The following MEIKIN variants were observed in gnomAD, a reference collection of about 807,000 sequenced individuals.
MEIKIN encodes meiotic kinetochore factor, also known as meiosis-specific kinetochore protein.
intron 5 of MEIKIN, among the ~76,000 whole-genome samples, chr5:131,929,887 A>G (rs1561758142): frequency 6.6e-6 from 1 of 152,190 alleles, no homozygotes; most frequent in East Asian, 1.9e-4. Context: ...TCTGTGTAGT[A>G]TTCCATGGTG....
chr5:131,844,904 T>C (rs1749982896), intron 11 of MEIKIN, among the ~76,000 whole-genome samples: 1 of 152,130 alleles, frequency 6.6e-6, no homozygotes, highest in Non-Finnish European at 1.5e-5. Context: ...TAAGAAGACC[T>C]TAAGTTTACA....
At chr5:131,890,653 T>C (rs1043344299) in intron 8 of MEIKIN, among the ~76,000 whole-genome samples, 6 of 152,186 alleles carry the variant, frequency 3.9e-5, no homozygotes, top group Non-Finnish European at 8.8e-5. Context: ...TTTGTTGATC[T>C]TTTCAAAAAA....
chr5:131,829,599 C>T (rs915614171), intron 11 of MEIKIN, among the ~76,000 whole-genome samples: 1 of 151,988 alleles, frequency 6.6e-6, no homozygotes, highest in Non-Finnish European at 1.5e-5. Flanking sequence ...AGGGACTAAA[C>T]AGAAAAATAA....
chr5:131,929,637 T>C (rs976238623), intron 5 of MEIKIN, among the ~76,000 whole-genome samples: 1 of 152,174 alleles, frequency 6.6e-6, no homozygotes, highest in African/African-American at 2.4e-5. Flanking sequence ...GTCACCCAGA[T>C]AGTGAGCATA....
chr5:131,844,992 T>G (rs1265035447), intron 11 of MEIKIN, among the ~76,000 whole-genome samples: 2 of 152,130 alleles, frequency 1.3e-5, no homozygotes, highest in Non-Finnish European at 2.9e-5. Context: ...CAAAGTTGGC[T>G]GGGTGCGGTG....
chr5:131,939,576 T>G (rs1751835789), intron 4 of MEIKIN, among the ~76,000 whole-genome samples: 1 of 152,142 alleles, frequency 6.6e-6, no homozygotes, highest in East Asian at 1.9e-4. Flanking sequence ...ACATTAAATA[T>G]AAAATCCTTA....
intron 7 of MEIKIN, among the ~76,000 whole-genome samples, chr5:131,915,364 G>C (rs1452973952): frequency 6.6e-6 from 1 of 152,152 alleles, no homozygotes; most frequent in East Asian, 1.9e-4. Context: ...CAGTCTAGAA[G>C]CCTTGCAGCA....
At chr5:131,845,113 AC>A (rs1446139953) in intron 11 of MEIKIN, among the ~76,000 whole-genome samples, 9 of 151,996 alleles carry the variant, frequency 5.9e-5, no homozygotes, top group African/African-American at 2.2e-4. Flanking sequence ...TATTAAAAAC[AC>A]AAAAAATTAG....
At chr5:131,896,811 C>CT (rs1184255987) in intron 8 of MEIKIN, among the ~76,000 whole-genome samples, 1 of 152,176 alleles carries the variant, frequency 6.6e-6, no homozygotes, top group Non-Finnish European at 1.5e-5. Flanking sequence ...ATACAGCACA[C>CT]TGATGGGTCT....
chr5:131,898,621 C>T (rs1751095909), intron 8 of MEIKIN, among the ~76,000 whole-genome samples: 1 of 152,230 alleles, frequency 6.6e-6, no homozygotes, highest in Non-Finnish European at 1.5e-5. Flanking sequence ...CCAACTCTAG[C>T]CTCAGCAATG....
At chr5:131,857,625 C>T (rs1226773312) in intron 9 of MEIKIN, among the ~76,000 whole-genome samples, 1 of 152,200 alleles carries the variant, frequency 6.6e-6, no homozygotes, top group African/African-American at 2.4e-5. Flanking sequence ...GCAGACCATG[C>T]CTCACCGTCA....
chr5:131,945,065 C>G, intron 2 of MEIKIN, 91 bp downstream of exon 2: 3 of 398,878 alleles, frequency 7.5e-6, no homozygotes, highest in Non-Finnish European at 1.3e-5. Context: ...TGCTCCTTGA[C>G]TGTTAGAATA....
At chr5:131,898,846 C>T (rs549956520) in intron 8 of MEIKIN, among the ~76,000 whole-genome samples, 2 of 152,334 alleles carry the variant, frequency 1.3e-5, no homozygotes, top group Admixed American at 1.3e-4. Context: ...CTTCCCTTGG[C>T]TAGGAAAGGG....
intron 8 of MEIKIN, among the ~76,000 whole-genome samples, chr5:131,882,064 T>G (rs563430725): frequency 2.6e-5 from 4 of 152,214 alleles, no homozygotes; most frequent in Non-Finnish European, 5.9e-5. Flanking sequence ...ATATTCATCC[T>G]TGACTTCTAT....
In MEIKIN at chr5:131,878,851, G is replaced by C. The variant is rs1199625970; in HGVS notation, c.774+127C>G. The C allele has an allele frequency of 1.1e-5, 4 of 375,862 alleles. No homozygotes were observed. The Admixed American group carries it at 1.8e-4, about 17-fold the overall frequency. The allele number at this position is 375,862 out of a possible 1,614,324, so 23.3% of individuals were successfully genotyped here. On this transcript the variant is annotated intron_variant, in intron 9 of 12. Coordinates refer to ENST00000442687, the MANE Select transcript of MEIKIN (RefSeq NM_001303622.2). ...GATCACAGCACTGAACTCTAACCTG[G>C]GTGACAGAATGAGACCCCATTTCTT...
intron 4 of MEIKIN, among the ~76,000 whole-genome samples, chr5:131,937,017 CATTTGCTCAA>C (rs1377841059): frequency 6.6e-6 from 1 of 151,956 alleles, no homozygotes; most frequent in Admixed American, 6.6e-5. Context: ...GATCTCAATC[CATTTGCTCAA>C]ATTTGGACTG....
At chr5:131,872,075 C>G (rs1430425311) in intron 9 of MEIKIN, among the ~76,000 whole-genome samples, 3 of 152,164 alleles carry the variant, frequency 2.0e-5, no homozygotes, top group African/African-American at 7.2e-5. Context: ...ACTGGAAACT[C>G]TAAAAATCAG....
intron 7 of MEIKIN, among the ~76,000 whole-genome samples, chr5:131,916,053 T>C (rs1309953276): frequency 6.6e-6 from 1 of 152,192 alleles, no homozygotes; most frequent in Admixed American, 6.5e-5. Flanking sequence ...GGGTTTTACT[T>C]TGTGAATGTG....
At chr5:131,933,209 A>G (rs74894926) in intron 5 of MEIKIN, among the ~76,000 whole-genome samples, 1 of 152,244 alleles carries the variant, frequency 6.6e-6, no homozygotes, top group Non-Finnish European at 1.5e-5. Context: ...AGGAAAAAAA[A>G]GATAACACAT....
Sources: gnomAD v4.1 joint callset for allele counts (sites outside exome capture counted in the v4.1 genomes callset) on GRCh38, gnomAD v4.1.1 for gene constraint, MANE v1.5 for transcripts, NCBI Gene and HGNC (gene_info 2026-07-23, HGNC 2026-07-21) for gene names.